Variants in CFAP54 observed in about 807,000 individuals in gnomAD.
CFAP54 encodes cilia and flagella associated protein 54.
Under a neutral mutation model 370.4 loss-of-function variants are expected in CFAP54, and 290 were observed. The ratio of observed to expected loss-of-function variants is 0.78; its 90% CI spans 0.71 to 0.86. The LOEUF (loss-of-function observed/expected upper bound fraction) is 0.86. Ranked by LOEUF, CFAP54 falls within the 40% of genes least tolerant of loss-of-function variation. The pLI is 0.00. For synonymous variants in CFAP54, 1,206 were observed against 1,236.5 expected (o/e 0.98, Z 0.52); for missense variants, 3,399 against 3,528.7 (o/e 0.96, Z 0.93).
In CFAP54 at chr12:96,792,356, A is replaced by T; in HGVS notation, c.8707A>T (p.Ile2903Phe). The T allele has an allele frequency of 2.0e-6, 3 of 1,534,934 alleles. No homozygotes were observed. The highest frequency in any genetic ancestry group is 2.6e-6 in the Non-Finnish European group (3 of 1,146,410). Residue 2903 changes from isoleucine (I) to phenylalanine (F), a missense_variant, in exon 63 of 68, where the codon ATT (isoleucine) becomes TTT (phenylalanine). This residue lies in a region of CFAP54 where 2,796 missense variants were observed against 2,869.7 expected (regional missense o/e 0.97). Transcript: ENST00000524981. Reference protein sequence around the residue: ...KLYRDSSVQSILSFKPVSGSS... With the variant: ...KLYRDSSVQSFLSFKPVSGSS... ...GTATCGCGATAGTTCTGTACAATCCATTTTATCTTTTAAGCCTGTTTCAGG... is the reference window on the plus strand; with the variant it reads ...GTATCGCGATAGTTCTGTACAATCCTTTTTATCTTTTAAGCCTGTTTCAGG...
intron 66 of CFAP54, among the ~76,000 whole-genome samples, chr12:96,848,587 C>T (rs1959435323): frequency 6.6e-6 from 1 of 152,038 alleles, no homozygotes; most frequent in Non-Finnish European, 1.5e-5. Flanking sequence ...GTCCCAGCTG[C>T]TTGGGAGGTT....
At chr12:96,766,398 G>C (rs1958402153) in intron 60 of CFAP54, among the ~76,000 whole-genome samples, 1 of 152,014 alleles carries the variant, frequency 6.6e-6, no homozygotes, top group South Asian at 2.1e-4. Context: ...GGGTTCTCTG[G>C]GGACAAAGCC....
At chr12:96,715,725 C>T (rs1052257714) in intron 48 of CFAP54, among the ~76,000 whole-genome samples, 1 of 152,146 alleles carries the variant, frequency 6.6e-6, no homozygotes, top group Non-Finnish European at 1.5e-5. Flanking sequence ...ACTATGATAA[C>T]AAAAGACAAA....
intron 11 of CFAP54, 28 bp downstream of exon 11, chr12:96,534,255 AT>A: frequency 7.7e-7 from 1 of 1,301,196 alleles, no homozygotes; most frequent in South Asian, 1.4e-5. Context: ...TGTTCAAAAA[AT>A]TTAGTTTGAC....
At chr12:96,739,105 G>A (rs756917725) in intron 50 of CFAP54, among the ~76,000 whole-genome samples, 5 of 152,152 alleles carry the variant, frequency 3.3e-5, no homozygotes. Context: ...TGTGACTGTC[G>A]ATTAACTATT....
rs1954860935 is a variant in CFAP54 at position 96,490,013 on chromosome 12, G to C, written c.317+87G>C. On this transcript the variant is annotated intron_variant, in intron 1 of 67. Coordinates refer to ENST00000524981, the MANE Select transcript of CFAP54 (RefSeq NM_001306084.2). Reference sequence around the variant, plus strand: ...GGAGGATGCAGGTGGTGGCCCCAGAGATGGTTCAGCGTTGCGGACGCAGGG... The same window carrying C: ...GGAGGATGCAGGTGGTGGCCCCAGACATGGTTCAGCGTTGCGGACGCAGGG... 12 of 1,305,806 alleles carry C rather than the reference G, an allele frequency of 9.2e-6. No individual in the cohort carries two copies. The South Asian group carries it at 1.8e-4, about 20-fold the overall frequency. The allele number at this position is 1,305,806 out of a possible 1,614,324, so 80.9% of individuals were successfully genotyped here. A position where few individuals can be genotyped will look rare whatever the true frequency, so the allele number is the denominator to read the frequency against.
chr12:96,663,579 A>G (rs1957021127), intron 38 of CFAP54, among the ~76,000 whole-genome samples: 2 of 152,204 alleles, frequency 1.3e-5, no homozygotes, highest in African/African-American at 4.8e-5. Flanking sequence ...AGGAAATCAT[A>G]TTCTAATTGC....
chr12:96,499,488 G>A (rs1954999499), intron 1 of CFAP54, among the ~76,000 whole-genome samples: 1 of 152,204 alleles, frequency 6.6e-6, no homozygotes, highest in African/African-American at 2.4e-5. Context: ...AGGATGTGGA[G>A]CAATGAAGTC....
At position 96,562,784 on chromosome 12, in the gene CFAP54, A is replaced by G. The variant is rs147873567; in HGVS notation, c.2411-1684A>G. Among the ~76,000 whole-genome samples, 778 of 151,402 alleles carry G rather than the reference A, an allele frequency of 5.1e-3. 11 individuals carry two copies. Among genetic ancestry groups the G allele is most frequent in the African/African-American group, 0.018 (734 of 41,284 alleles). On this transcript the variant is annotated intron_variant, in intron 17 of 67. Coordinates refer to ENST00000524981, the MANE Select transcript of CFAP54 (RefSeq NM_001306084.2). ...TTTCCCCATCCTTTTATTTTTTTAT[A>G]CTCTTCATCTTTTTACATTTTATTT...
Position 96,829,048 on chromosome 12 carries a change from C to A in CFAP54, c.9131C>A (p.Ser3044Tyr). ...ATTCAATGTTGCTCTGAAATAGCAT[C>A]TCTGTTTTTGAATGATAAAGAGCCA... ...MIIQCCSEIA[S>Y]LFLNDKEPTP... The change falls in exon 66 of 68, where the codon TCT becomes TAT. Residue 3044 changes from serine to tyrosine, a missense_variant. Coordinates refer to ENST00000524981, the MANE Select transcript of CFAP54 (RefSeq NM_001306084.2). The A allele has an allele frequency of 6.6e-7, 1 of 1,521,166 alleles. No individual in the cohort carries two copies. The highest frequency in any genetic ancestry group is 2.5e-5 in the East Asian group (1 of 40,658). 94.2% of individuals were successfully genotyped at this position (1,521,166 alleles called of 1,614,324 possible). A position where few individuals can be genotyped will look rare whatever the true frequency, so the allele number is the denominator to read the frequency against.
chr12:96,828,291 CAAA>C (rs1959151309), intron 65 of CFAP54, among the ~76,000 whole-genome samples: 2 of 151,290 alleles, frequency 1.3e-5, no homozygotes, highest in African/African-American at 4.9e-5. Context: ...CATGCATAGA[CAAA>C]GACTGGAACC....
chr12:96,649,971 G>A lies in CFAP54; in HGVS notation c.4771G>A (p.Asp1591Asn), dbSNP rs1463358937. The change falls in exon 35 of 68, where the codon GAC (aspartate) becomes AAC (asparagine). Residue 1591 changes from aspartate (D) to asparagine (N), a missense_variant. This residue lies in a region of CFAP54 where 2,796 missense variants were observed against 2,869.7 expected (regional missense o/e 0.97). Transcript: ENST00000524981. ...MSKTQTVYDSDSQSGSSAKEK... is the reference protein window; with the variant it reads ...MSKTQTVYDSNSQSGSSAKEK... ...CAAGACACAAACAGTTTATGACTCA[G>A]ACTCTCAATCAGGTTCTAGTGCTAA... is the stretch of plus-strand genomic sequence containing the variant. The A allele has an allele frequency of 1.9e-6, 3 of 1,612,840 alleles. No individual in the cohort carries two copies. Among genetic ancestry groups the A allele is most frequent in the Non-Finnish European group, 2.5e-6 (3 of 1,179,092 alleles).
chr12:96,662,420 G>C (rs972072339), intron 38 of CFAP54, among the ~76,000 whole-genome samples: 1 of 152,064 alleles, frequency 6.6e-6, no homozygotes, highest in Non-Finnish European at 1.5e-5. Context: ...GACCAGGTTG[G>C]TCTTGAACTC....
At chr12:96,688,873 G>T in intron 42 of CFAP54, 43 bp from the exon 43 acceptor site, 1 of 1,246,760 alleles carries the variant, frequency 8.0e-7, no homozygotes, top group Non-Finnish European at 1.1e-6. Flanking sequence ...AATGTTTTTG[G>T]AAAATTTCTA....
intron 32 of CFAP54, among the ~76,000 whole-genome samples, chr12:96,641,556 G>C (rs1956727853): frequency 6.6e-6 from 1 of 152,080 alleles, no homozygotes; most frequent in Non-Finnish European, 1.5e-5. Flanking sequence ...AATACCATTT[G>C]ACCCAGCCAT....
At chr12:96,618,650 T>C (rs970538976) in intron 26 of CFAP54, among the ~76,000 whole-genome samples, 1 of 152,086 alleles carries the variant, frequency 6.6e-6, no homozygotes, top group Admixed American at 6.6e-5. Context: ...TGGGAGAGAA[T>C]GCTGACCTAG....
intron 39 of CFAP54, among the ~76,000 whole-genome samples, chr12:96,665,096 G>T (rs1486539443): frequency 2.9e-5 from 3 of 104,268 alleles, no homozygotes; most frequent in African/African-American, 1.2e-4. Flanking sequence ...TCATATGATT[G>T]TTGGCCACAT....
At chr12:96,849,269 C>G (rs1959466000) in intron 66 of CFAP54, among the ~76,000 whole-genome samples, 1 of 152,054 alleles carries the variant, frequency 6.6e-6, no homozygotes, top group Non-Finnish European at 1.5e-5. Context: ...GGCTCTTGCT[C>G]CCTGTGCTTT....
intron 13 of CFAP54, chr12:96,540,111 C>CT (rs201085033): frequency 0.022 from 3,324 of 151,234 alleles, 50 homozygotes; most frequent in Non-Finnish European, 0.036. Flanking sequence ...CTTTCTTTCT[C>CT]TTTTTTTTTG....
Sources: gnomAD v4.1 joint callset for allele counts (sites outside exome capture counted in the v4.1 genomes callset) on GRCh38, gnomAD v4.1.1 for gene constraint, gnomAD v4.1.1 regional missense constraint, MANE v1.5 for transcripts, NCBI Gene and HGNC (gene_info 2026-07-23, HGNC 2026-07-21) for gene names.